DPYD: variants seen among roughly 807,000 people sequenced by gnomAD.
DPYD encodes the protein dihydropyrimidine dehydrogenase, also known as dihydropyrimidine dehydrogenase [NADP(+)].
DPYD carries 109 observed loss-of-function variants against 116.2 expected under a neutral mutation model. That is an observed-to-expected ratio of 0.94 (90% CI 0.80 to 1.10). The LOEUF is 1.10. Among genes scored for constraint, DPYD ranks in the 50% least tolerant of loss-of-function variants. The pLI is 0.00. For missense variants in DPYD, 1,302 were observed against 1,254.5 expected, an observed-to-expected ratio of 1.04 and a Z score of -0.57; for synonymous variants, 440 against 432.0, an observed-to-expected ratio of 1.02 and a Z score of -0.23.
At chr1:97,187,537 C>A (rs886491793) in intron 20 of DPYD, among the ~76,000 whole-genome samples, 1 of 151,990 alleles carries the variant, frequency 6.6e-6, no homozygotes, top group African/African-American at 2.4e-5. Context: ...CTTCTGTTAT[C>A]TCGATTATTT....
chr1:97,213,336 T>A lies in DPYD; in HGVS notation c.2443-20088A>T, dbSNP rs575090772. On this transcript the variant is annotated intron_variant, in intron 19 of 22. Transcript: ENST00000370192. ...GGTGTGTCTCATAGTAAATTTCACA[T>A]ACAAGTTAACCATGATAATTTTTTT... 7.2e-5 allele frequency among the ~76,000 whole-genome samples: 11 copies of A among 152,296 alleles called. No individual in the cohort carries two copies. In the South Asian group the frequency reaches 2.3e-3, roughly 32 times the overall value.
At position 97,082,301 on chromosome 1, in the gene DPYD, T is replaced by C. The variant is rs1252122445; in HGVS notation, c.2907+29A>G. The C allele has an allele frequency of 5.0e-6, 8 of 1,612,904 alleles. No individual in the cohort carries two copies. In the East Asian group the frequency reaches 8.9e-5, roughly 18 times the overall value. On this transcript the variant is annotated intron_variant, in intron 22 of 22. Coordinates refer to ENST00000370192, the MANE Select transcript of DPYD (RefSeq NM_000110.4). The stretch of plus-strand genomic sequence containing the variant: ...TAAAAACAAGAAGAAACATGTCTCA[T>C]AGCATTCTAATTCCAGCAGGATTCT...
intron 3 of DPYD, among the ~76,000 whole-genome samples, chr1:97,766,157 C>T (rs1452913371): frequency 6.6e-6 from 1 of 152,086 alleles, no homozygotes; most frequent in Non-Finnish European, 1.5e-5. Context: ...AGGAGAATTG[C>T]TTGAACCCAG....
intron 20 of DPYD, among the ~76,000 whole-genome samples, chr1:97,100,011 CTAAT>C (rs1650549716): frequency 1.3e-5 from 2 of 152,032 alleles, no homozygotes; most frequent in Non-Finnish European, 2.9e-5. Flanking sequence ...GAATGCCAAA[CTAAT>C]TTATATACAA....
intron 16 of DPYD, among the ~76,000 whole-genome samples, chr1:97,349,510 C>A (rs1048170392): frequency 1.3e-5 from 2 of 152,204 alleles, no homozygotes; most frequent in African/African-American, 4.8e-5. Flanking sequence ...CCCCACCCCA[C>A]AACAGGCCCT....
intron 20 of DPYD, among the ~76,000 whole-genome samples, chr1:97,129,940 A>G (rs1653146701): frequency 6.6e-6 from 1 of 152,068 alleles, no homozygotes; most frequent in Non-Finnish European, 1.5e-5. Flanking sequence ...GCTCACGAGG[A>G]TTCTCCTGGT....
In DPYD at chr1:97,393,386, T is replaced by G. The variant is rs1319155172; in HGVS notation, c.1906-10925A>C. The stretch of plus-strand genomic sequence containing the variant: ...GTATACATGTGCCATGTTGGTGTGC[T>G]GCACCCATTAACTCGTCATTTACAT... On this transcript the variant is annotated intron_variant, in intron 14 of 22. Coordinates refer to ENST00000370192, the MANE Select transcript of DPYD (RefSeq NM_000110.4). 3.3e-5 allele frequency among the ~76,000 whole-genome samples: 5 copies of G among 151,998 alleles called. No individual in the cohort carries two copies. In the East Asian group the frequency reaches 9.7e-4, roughly 29 times the overall value.
intron 2 of DPYD, among the ~76,000 whole-genome samples, chr1:97,835,341 T>C (rs1312686943): frequency 2.6e-5 from 4 of 152,078 alleles, no homozygotes; most frequent in Admixed American, 2.6e-4. Flanking sequence ...AAGATTAAAG[T>C]AAATAAAAAC....
chr1:97,588,416 T>C (rs994290652), intron 10 of DPYD, among the ~76,000 whole-genome samples: 5 of 152,200 alleles, frequency 3.3e-5, no homozygotes, highest in African/African-American at 1.2e-4. Flanking sequence ...TAATAATTAA[T>C]AAGAAATATA....
chr1:97,349,797 C>T (rs970676658), intron 16 of DPYD, among the ~76,000 whole-genome samples: 2 of 151,942 alleles, frequency 1.3e-5, no homozygotes, highest in African/African-American at 2.4e-5. Context: ...AATAGTACTG[C>T]AATAAATATA....
intron 3 of DPYD, among the ~76,000 whole-genome samples, chr1:97,763,119 A>G (rs950447400): frequency 6.6e-6 from 1 of 152,078 alleles, no homozygotes; most frequent in Non-Finnish European, 1.5e-5. Context: ...GAAAAGACCA[A>G]CACCTCCATT....
At chr1:97,363,247 A>G (rs1332667160) in intron 16 of DPYD, among the ~76,000 whole-genome samples, 1 of 152,234 alleles carries the variant, frequency 6.6e-6, no homozygotes, top group African/African-American at 2.4e-5. Context: ...CAAAACCACA[A>G]TAACATACCA....
intron 2 of DPYD, among the ~76,000 whole-genome samples, chr1:97,877,713 A>ATT (rs1671995397): frequency 2.6e-5 from 4 of 152,160 alleles, no homozygotes; most frequent in Admixed American, 2.6e-4. Context: ...TAGAACAGGT[A>ATT]TTGCTTTCTT....
chr1:97,882,418 G>T (rs969940572), intron 2 of DPYD, among the ~76,000 whole-genome samples: 1 of 151,906 alleles, frequency 6.6e-6, no homozygotes. Flanking sequence ...ATATAAGAAG[G>T]AGGAAAGAAG....
intron 2 of DPYD, among the ~76,000 whole-genome samples, chr1:97,875,669 C>T (rs1671876900): frequency 6.6e-6 from 1 of 151,912 alleles, no homozygotes. Flanking sequence ...GTATATTTTT[C>T]CCTCTCTAAT....
chr1:97,382,600 A>G (rs1220793631), intron 14 of DPYD, 139 bp from the exon 15 acceptor site: 1 of 489,628 alleles, frequency 2.0e-6, no homozygotes, highest in African/African-American at 2.0e-5. Context: ...ATAAATCATT[A>G]GAAAATAGCA....
chr1:97,478,904 CTCT>C (rs1158654694), intron 13 of DPYD, among the ~76,000 whole-genome samples: 1 of 152,188 alleles, frequency 6.6e-6, no homozygotes, highest in Non-Finnish European at 1.5e-5. Flanking sequence ...TTATGGAGAT[CTCT>C]TCTTTCCTTA....
chr1:97,551,382 G>T (rs567117900), intron 11 of DPYD, among the ~76,000 whole-genome samples: 41 of 152,144 alleles, frequency 2.7e-4, no homozygotes, highest in Admixed American at 2.3e-3. Flanking sequence ...TAGTGAGTAT[G>T]GCTCATCAAT....
chr1:97,811,046 G>A (rs1476828717), intron 3 of DPYD, among the ~76,000 whole-genome samples: 1 of 151,832 alleles, frequency 6.6e-6, no homozygotes, highest in Non-Finnish European at 1.5e-5. Flanking sequence ...TTATACACTG[G>A]CCTATTTTCT....
Sources: allele counts gnomAD v4.1 joint callset (sites outside exome capture counted in the v4.1 genomes callset), GRCh38; gene constraint gnomAD v4.1.1; transcripts MANE v1.5; gene names NCBI Gene and HGNC (gene_info 2026-07-23, HGNC 2026-07-21).